LRP1B: variants seen among roughly 807,000 people sequenced by gnomAD.
The protein encoded by LRP1B is LDL receptor related protein 1B, also known as low-density lipoprotein receptor-related protein 1B.
In LRP1B, 217 loss-of-function variants were observed where a neutral mutation model predicts 556.6. The ratio of observed to expected loss-of-function variants is 0.39; its 90% CI spans 0.35 to 0.44. LRP1B has a LOEUF of 0.44. Ranked by LOEUF, LRP1B falls within the 20% of genes least tolerant of loss-of-function variation. The pLI, the probability that LRP1B is intolerant of heterozygous loss-of-function variation, is 1.00. For synonymous variants in LRP1B, 2,047 were observed against 1,865.8 expected (o/e 1.10, Z -2.50); for missense variants, 5,053 against 5,620.8 (o/e 0.90, Z 3.23).
intron 1 of LRP1B, among the ~76,000 whole-genome samples, chr2:141,830,614 G>T (rs1236915008): frequency 6.6e-6 from 1 of 151,728 alleles, no homozygotes. Flanking sequence ...GCCTGAAATA[G>T]CTCTTTCAGT....
chr2:140,791,010 C>T (rs1690100313), intron 32 of LRP1B, among the ~76,000 whole-genome samples: 1 of 150,280 alleles, frequency 6.7e-6, no homozygotes, highest in Non-Finnish European at 1.5e-5. Context: ...AATCCCAGGA[C>T]TTTGGGAGGC....
rs559662272 is a variant in LRP1B, at chr2:140,495,935, C to T, written c.8851-187G>A. On this transcript the variant is annotated intron_variant, in intron 55 of 90. Coordinates refer to ENST00000389484, the MANE Select transcript of LRP1B (RefSeq NM_018557.3). Reference sequence around the variant, plus strand: ...GTAAAGTTAGTTAGAAAGCACTCTCCCAAATATCTTCATTTGATCTTTTGA... The same window carrying T: ...GTAAAGTTAGTTAGAAAGCACTCTCTCAAATATCTTCATTTGATCTTTTGA... Among the ~76,000 whole-genome samples, 187 of 152,138 alleles carry T rather than the reference C, an allele frequency of 1.2e-3. 1 individual carries two copies. Among genetic ancestry groups the T allele is most frequent in the Non-Finnish European group, 9.3e-4 (63 of 67,964 alleles).
At chr2:140,423,716 G>C (rs898743338) in intron 66 of LRP1B, among the ~76,000 whole-genome samples, 1 of 152,076 alleles carries the variant, frequency 6.6e-6, no homozygotes, top group Admixed American at 6.6e-5. Flanking sequence ...AACACATAGA[G>C]CTAGAGCTTG....
chr2:141,684,313 T>C (rs1691215611), intron 2 of LRP1B, among the ~76,000 whole-genome samples: 1 of 152,098 alleles, frequency 6.6e-6, no homozygotes. Context: ...GGGACATGGA[T>C]GAAGATGGAA....
At chr2:141,197,842 C>T (rs1681821058) in intron 6 of LRP1B, among the ~76,000 whole-genome samples, 1 of 152,044 alleles carries the variant, frequency 6.6e-6, no homozygotes, top group Non-Finnish European at 1.5e-5. Flanking sequence ...TGTCTTCTAG[C>T]TTTGGTGTAG....
intron 20 of LRP1B, among the ~76,000 whole-genome samples, chr2:140,941,328 A>G (rs750570895): frequency 6.6e-6 from 1 of 152,144 alleles, no homozygotes; most frequent in African/African-American, 2.4e-5. Flanking sequence ...AATATTGAGT[A>G]AACTATCACA....
At chr2:141,010,617 T>C (rs935541543) in intron 14 of LRP1B, among the ~76,000 whole-genome samples, 2 of 151,738 alleles carry the variant, frequency 1.3e-5, no homozygotes, top group African/African-American at 4.8e-5. Context: ...CAAGTTTAAG[T>C]GATTCTCCTG....
chr2:140,770,245 A>G (rs1442359657), intron 34 of LRP1B, among the ~76,000 whole-genome samples: 2 of 151,912 alleles, frequency 1.3e-5, no homozygotes, highest in Non-Finnish European at 2.9e-5. Flanking sequence ...TATCATATAA[A>G]TATTGGATTT....
chr2:141,265,267 G>T (rs1200568159), intron 3 of LRP1B, among the ~76,000 whole-genome samples: 1 of 152,150 alleles, frequency 6.6e-6, no homozygotes, highest in African/African-American at 2.4e-5. Context: ...ATGTTGCAGG[G>T]CACCCTCTAC....
intron 35 of LRP1B, among the ~76,000 whole-genome samples, chr2:140,737,819 G>A (rs925855644): frequency 6.6e-5 from 10 of 152,156 alleles, no homozygotes; most frequent in Admixed American, 6.5e-5. Context: ...GATGAATGCC[G>A]GAGAATGATT....
chr2:142,012,250 ACATT>A (rs1166747854), intron 1 of LRP1B, among the ~76,000 whole-genome samples: 2 of 152,240 alleles, frequency 1.3e-5, no homozygotes, highest in African/African-American at 4.8e-5. Context: ...ACAAAGTCAA[ACATT>A]CATATGGAAA....
chr2:142,104,799 A>T (rs1706690164), intron 1 of LRP1B, among the ~76,000 whole-genome samples: 2 of 152,196 alleles, frequency 1.3e-5, no homozygotes, highest in Admixed American at 1.3e-4. Context: ...TGCGAGCAGT[A>T]AACAACTCAT....
chr2:140,439,463 A>G (rs1041635705), intron 66 of LRP1B, among the ~76,000 whole-genome samples: 2 of 152,206 alleles, frequency 1.3e-5, no homozygotes, highest in African/African-American at 4.8e-5. Context: ...ATTTGTAACT[A>G]TCTTGTCATG....
intron 32 of LRP1B, among the ~76,000 whole-genome samples, chr2:140,783,048 T>A (rs1689756305): frequency 6.6e-6 from 1 of 152,188 alleles, no homozygotes; most frequent in South Asian, 2.1e-4. Flanking sequence ...TACTACTCAG[T>A]GCAAACATAA....
At chr2:140,673,167 C>T (rs994321887) in intron 41 of LRP1B, among the ~76,000 whole-genome samples, 5 of 152,104 alleles carry the variant, frequency 3.3e-5, no homozygotes, top group African/African-American at 1.2e-4. Flanking sequence ...AGAAGGAAAC[C>T]AGAACACATC....
intron 33 of LRP1B, among the ~76,000 whole-genome samples, chr2:140,773,191 G>A (rs533418482): frequency 9.9e-5 from 15 of 152,260 alleles, no homozygotes; most frequent in African/African-American, 3.4e-4. Context: ...GGCTAGGGGC[G>A]CGGTGGCTCA....
intron 2 of LRP1B, among the ~76,000 whole-genome samples, chr2:141,507,618 G>A (rs138669279): frequency 2.7e-3 from 409 of 152,014 alleles, no homozygotes; most frequent in African/African-American, 9.4e-3. Flanking sequence ...ATTCATCATG[G>A]CATACATTAA....
intron 47 of LRP1B, among the ~76,000 whole-genome samples, chr2:140,532,895 T>C (rs1213891449): frequency 6.7e-6 from 1 of 150,090 alleles, no homozygotes; most frequent in African/African-American, 2.5e-5. Flanking sequence ...AAAAAAGACA[T>C]ATGGGTGTTC....
intron 2 of LRP1B, among the ~76,000 whole-genome samples, chr2:141,769,903 T>A (rs1019533901): frequency 6.6e-6 from 1 of 152,146 alleles, no homozygotes; most frequent in African/African-American, 2.4e-5. Context: ...AAGTTAATGC[T>A]AAGAGAGGTT....
Sources: allele counts gnomAD v4.1 joint callset (sites outside exome capture counted in the v4.1 genomes callset), GRCh38; gene constraint gnomAD v4.1.1; transcripts MANE v1.5; gene names NCBI Gene and HGNC (gene_info 2026-07-23, HGNC 2026-07-21).